The following CPVL variants were observed in gnomAD, a reference collection of about 807,000 sequenced individuals.
CPVL encodes carboxypeptidase vitellogenic like.
CPVL carries 51 observed loss-of-function variants against 63.7 expected under a neutral mutation model. The ratio of observed to expected loss-of-function variants is 0.80; its 90% CI spans 0.64 to 1.01. CPVL has a LOEUF of 1.01. CPVL is among the 50% of genes least tolerant of loss of function. The pLI is 0.00. For missense variants in CPVL, 530 were observed against 573.1 expected, an observed-to-expected ratio of 0.92 and a Z score of 0.77; for synonymous variants, 195 against 206.0, an observed-to-expected ratio of 0.95 and a Z score of 0.46.
At chr7:29,183,241 T>C (rs1798293527) in intron 4 of CPVL, among the ~76,000 whole-genome samples, 1 of 151,676 alleles carries the variant, frequency 6.6e-6, no homozygotes, top group African/African-American at 2.4e-5. Flanking sequence ...TATGCCAACA[T>C]GACTGGCTAA....
chr7:29,180,544 A>C (rs1387307204), intron 5 of CPVL, among the ~76,000 whole-genome samples: 2 of 112,732 alleles, frequency 1.8e-5, no homozygotes, highest in East Asian at 3.4e-4. Context: ...ACTCCATCTC[A>C]AAAAAAAAAA....
At chr7:29,002,866 C>CAAAAAAAAA (rs373207674) in intron 12 of CPVL, among the ~76,000 whole-genome samples, 3 of 124,306 alleles carry the variant, frequency 2.4e-5, no homozygotes, top group Non-Finnish European at 3.2e-5. Context: ...TATGAAAATT[C>CAAAAAAAAA]AAAAAAAAAA....
In CPVL at chr7:29,014,322, T is replaced by TTTTTG. The variant is rs201447528; in HGVS notation, c.1320+16250_1320+16254dup. Among the ~76,000 whole-genome samples, 240 of 152,106 alleles carry TTTTTG rather than the reference T, an allele frequency of 1.6e-3. 2 individuals are homozygous for TTTTTG. Among genetic ancestry groups the TTTTTG allele is most frequent in the African/African-American group, 2.6e-3 (109 of 41,476 alleles). ...CCGATTTCCTTAACAAAGCCAAAGCTTTTTGTTTTGTTTTGTTTTGTTTTG... is the reference window on the plus strand; with the variant it reads ...CCGATTTCCTTAACAAAGCCAAAGCTTTTTGTTTTGTTTTGTTTTGTTTTGTTTTG... On this transcript the variant is annotated intron_variant, in intron 12 of 12. Coordinates refer to ENST00000265394, the MANE Select transcript of CPVL (RefSeq NM_031311.5).
intron 12 of CPVL, among the ~76,000 whole-genome samples, chr7:29,015,286 C>A (rs867476009): frequency 6.6e-6 from 1 of 152,178 alleles, no homozygotes; most frequent in Non-Finnish European, 1.5e-5. Context: ...TCACCACATA[C>A]CCCAAGGGCA....
chr7:29,119,299 C>A (rs1473716152), intron 2 of CPVL, among the ~76,000 whole-genome samples: 3 of 152,136 alleles, frequency 2.0e-5, no homozygotes, highest in African/African-American at 7.2e-5. Flanking sequence ...CAAGCTTGGC[C>A]AACAAGGCAA....
At chr7:29,071,713 G>GGCC in intron 9 of CPVL, 60 bp downstream of exon 9, 3 of 273,500 alleles carry the variant, frequency 1.1e-5, no homozygotes, top group Non-Finnish European at 2.1e-5. Flanking sequence ...CTGCTCACCC[G>GGCC]CCCTCCCTCC....
At chr7:29,156,422 C>T (rs2128701602) in intron 5 of CPVL, among the ~76,000 whole-genome samples, 1 of 152,212 alleles carries the variant, frequency 6.6e-6, no homozygotes, top group Non-Finnish European at 1.5e-5. Context: ...AAGCTACCTC[C>T]AAAACCCGAA....
chr7:29,028,766 C>T (rs905340230), intron 12 of CPVL, among the ~76,000 whole-genome samples: 3 of 151,996 alleles, frequency 2.0e-5, no homozygotes, highest in Non-Finnish European at 4.4e-5. Context: ...GAGATCGAGA[C>T]CATCCTGGCT....
In CPVL at chr7:29,188,948, C is replaced by CTTT. The variant is rs11376135; in HGVS notation, c.-447-2404_-447-2402dup. On this transcript the variant is annotated intron_variant, in intron 1 of 16. Transcript: ENST00000409850. ...AGCAAGGATATAGTTTTCCTCATACCTTTTTTTTTTTTTTTTTTGAGACAG... is the reference window on the plus strand; with the variant it reads ...AGCAAGGATATAGTTTTCCTCATACCTTTTTTTTTTTTTTTTTTTTTGAGACAG... Among the ~76,000 whole-genome samples, 308 of 129,942 alleles carry CTTT rather than the reference C, an allele frequency of 2.4e-3. 9 individuals carry two copies. Among genetic ancestry groups the CTTT allele is most frequent in the African/African-American group, 8.4e-3 (289 of 34,226 alleles). The allele number at this position is 129,942 out of a possible 152,430, so 85.2% of individuals were successfully genotyped here. A position where few individuals can be genotyped will look rare whatever the true frequency, so the allele number is the denominator to read the frequency against.
At chr7:29,030,091 C>T (rs1212652170) in intron 12 of CPVL, among the ~76,000 whole-genome samples, 1 of 152,148 alleles carries the variant, frequency 6.6e-6, no homozygotes, top group Non-Finnish European at 1.5e-5. Context: ...GATTCCAACA[C>T]TTGAAGAGGA....
At chr7:29,160,996 C>T (rs1326851001) in intron 5 of CPVL, among the ~76,000 whole-genome samples, 1 of 152,054 alleles carries the variant, frequency 6.6e-6, no homozygotes, top group Non-Finnish European at 1.5e-5. Context: ...TTGAGTTTTT[C>T]CTGCTTTTTT....
At chr7:29,188,222 A>G (rs1562816339) in intron 1 of CPVL, among the ~76,000 whole-genome samples, 1 of 152,240 alleles carries the variant, frequency 6.6e-6, no homozygotes, top group Non-Finnish European at 1.5e-5. Context: ...TATTACATCT[A>G]TCACTTCATT....
intron 5 of CPVL, among the ~76,000 whole-genome samples, chr7:29,165,010 T>C (rs753046429): frequency 1.3e-5 from 2 of 152,090 alleles, no homozygotes. Context: ...AACTTTATTC[T>C]TTTTCAGATG....
At chr7:29,072,725 C>G (rs1783873362) in intron 7 of CPVL, among the ~76,000 whole-genome samples, 1 of 152,172 alleles carries the variant, frequency 6.6e-6, no homozygotes, top group Non-Finnish European at 1.5e-5. Flanking sequence ...GAACACAATT[C>G]TGCCATGTGT....
At chr7:29,050,390 CCT>C (rs1790023957) in intron 11 of CPVL, among the ~76,000 whole-genome samples, 1 of 133,396 alleles carries the variant, frequency 7.5e-6, no homozygotes, top group Admixed American at 7.9e-5. Context: ...GAACTCAACC[CCT>C]TTTACGATAG....
At chr7:29,184,151 T>TA (rs1554355224) in intron 4 of CPVL, among the ~76,000 whole-genome samples, 1 of 143,322 alleles carries the variant, frequency 7.0e-6, no homozygotes, top group Non-Finnish European at 1.5e-5. Flanking sequence ...TACAGATAGA[T>TA]GATAGATAGA....
chr7:29,104,785 G>A (rs1787557585), intron 3 of CPVL, among the ~76,000 whole-genome samples: 2 of 152,190 alleles, frequency 1.3e-5, no homozygotes, highest in South Asian at 4.1e-4. Context: ...ATAGGGAAGT[G>A]GGCGGATGCA....
At chr7:29,028,904 GCAGTGAGC>G (rs1453864872) in intron 12 of CPVL, among the ~76,000 whole-genome samples, 1 of 149,698 alleles carries the variant, frequency 6.7e-6, no homozygotes, top group East Asian at 2.0e-4. Context: ...GGTGGAGCTT[GCAGTGAGC>G]CGAGAGATCC....
intron 2 of CPVL, among the ~76,000 whole-genome samples, chr7:29,117,293 C>G (rs1214607026): frequency 2.0e-5 from 3 of 152,162 alleles, no homozygotes; most frequent in Non-Finnish European, 4.4e-5. Context: ...CTGAGAAATG[C>G]TCATAGGCAA....
Sources: gnomAD v4.1 joint callset for allele counts (sites outside exome capture counted in the v4.1 genomes callset) on GRCh38, gnomAD v4.1.1 for gene constraint, MANE v1.5 for transcripts, NCBI Gene and HGNC (gene_info 2026-07-23, HGNC 2026-07-21) for gene names.